RIMBP2: variants seen among roughly 807,000 people sequenced by gnomAD.
RIMBP2 encodes the protein RIMS binding protein 2, also known as RIMS-binding protein 2.
In RIMBP2, 48 loss-of-function variants were observed where a neutral mutation model predicts 118.6. The ratio of observed to expected loss-of-function variants is 0.40; its 90% confidence interval spans 0.32 to 0.51. The LOEUF is 0.51. Ranked by LOEUF, RIMBP2 falls within the 20% of genes least tolerant of loss-of-function variation. The pLI, the probability that RIMBP2 is intolerant of heterozygous loss-of-function variation, is 0.41. For synonymous variants in RIMBP2, 762 were observed against 742.9 expected, an observed-to-expected ratio of 1.03 and a Z score of -0.42; for missense variants, 1,551 against 1,768.3, an observed-to-expected ratio of 0.88 and a Z score of 2.20.
intron 2 of RIMBP2, among the ~76,000 whole-genome samples, chr12:130,521,363 G>A (rs7980375): frequency 0.024 from 3,667 of 152,290 alleles, 156 homozygotes; most frequent in African/African-American, 0.084. Flanking sequence ...CAAAACGAGA[G>A]TCCCCCAGCA....
intron 1 of RIMBP2, among the ~76,000 whole-genome samples, chr12:130,709,027 G>A (rs191895296): frequency 9.2e-5 from 14 of 152,382 alleles, no homozygotes; most frequent in East Asian, 1.9e-4. Context: ...AGGGCCTGCC[G>A]CAGAAGGGCT....
Position 130,424,617 on chromosome 12 carries a change from G to C in RIMBP2, c.2654C>G (p.Pro885Arg), listed in dbSNP as rs544230975. The change falls in exon 16 of 23, where the codon CCG (proline) becomes CGG (arginine). Residue 885 changes from proline (P) to arginine (R), a missense_variant. Physicochemically the swap from Pro to Arg is moderately radical, Grantham distance 103. Transcript: ENST00000690449. This position sits in a 1 kb window ranked among gnomAD's most constrained non-coding sequence, Gnocchi z 9.8. ...GDEAPRGSWF[P>R]VKHRGSGAVP... ...GGCCCCCGAGCCCCTGTGCTTCACC[G>C]GGAACCAGGAGCCCCGAGGGGCCTC... is the stretch of plus-strand genomic sequence containing the variant. The C allele has an allele frequency of 8.1e-7, 1 of 1,231,824 alleles. No homozygotes were observed. Among genetic ancestry groups the C allele is most frequent in the Non-Finnish European group, 1.0e-6 (1 of 987,826 alleles). 76.3% of individuals were successfully genotyped at this position (1,231,824 alleles called of 1,614,324 possible).
chr12:130,412,272 T>C (rs957576975), intron 19 of RIMBP2, among the ~76,000 whole-genome samples: 1 of 152,190 alleles, frequency 6.6e-6, no homozygotes, highest in African/African-American at 2.4e-5. Flanking sequence ...CTGAAATTTA[T>C]TGTAGACAGG....
intron 2 of RIMBP2, among the ~76,000 whole-genome samples, chr12:130,561,690 A>G (rs1042084916): frequency 2.0e-5 from 3 of 152,174 alleles, no homozygotes; most frequent in South Asian, 4.1e-4. Context: ...CTCAACTCCC[A>G]TTTTTAAATT....
chr12:130,662,454 G>A (rs554275392), intron 1 of RIMBP2, among the ~76,000 whole-genome samples: 6 of 152,136 alleles, frequency 3.9e-5, no homozygotes, highest in East Asian at 3.9e-4. Flanking sequence ...TCAAGAGATC[G>A]AGACCATCCT....
chr12:130,520,969 G>T (rs2052043047), intron 2 of RIMBP2, among the ~76,000 whole-genome samples: 1 of 152,236 alleles, frequency 6.6e-6, no homozygotes, highest in Non-Finnish European at 1.5e-5. Context: ...GGGACGTGTG[G>T]TTCCACAAGC....
chr12:130,417,044 C>A (rs982568998), intron 17 of RIMBP2, among the ~76,000 whole-genome samples: 2 of 152,104 alleles, frequency 1.3e-5, no homozygotes, highest in African/African-American at 4.8e-5. Context: ...CAATGAGATA[C>A]CATCTCACAC....
intron 6 of RIMBP2, among the ~76,000 whole-genome samples, chr12:130,461,660 G>A (rs1022056498): frequency 1.3e-4 from 20 of 152,058 alleles, no homozygotes; most frequent in East Asian, 5.8e-4. Flanking sequence ...ATAGCTTGGC[G>A]CTGTCCTTGC....
At chr12:130,466,514 T>C (rs2080491100) in intron 6 of RIMBP2, among the ~76,000 whole-genome samples, 1 of 152,228 alleles carries the variant, frequency 6.6e-6, no homozygotes, top group African/African-American at 2.4e-5. Flanking sequence ...TGGAGTTGTG[T>C]ATGTGGGGAC....
chr12:130,627,508 C>A (rs923551132), intron 2 of RIMBP2, among the ~76,000 whole-genome samples: 3 of 152,184 alleles, frequency 2.0e-5, no homozygotes, highest in Non-Finnish European at 4.4e-5. Context: ...GAACCCTGAA[C>A]CTGACCATCG....
chr12:130,480,893 G>C (rs1290335905), intron 4 of RIMBP2, among the ~76,000 whole-genome samples: 1 of 152,202 alleles, frequency 6.6e-6, no homozygotes. Flanking sequence ...GAGCCACCGC[G>C]CCCGACCACC....
At chr12:130,539,193 T>C (rs1045452653) in intron 2 of RIMBP2, among the ~76,000 whole-genome samples, 1 of 152,234 alleles carries the variant, frequency 6.6e-6, no homozygotes, top group Non-Finnish European at 1.5e-5. Context: ...TTACAATTTG[T>C]GTATAATGTT....
intron 22 of RIMBP2, chr12:130,399,311 T>C: frequency 4.5e-6 from 2 of 448,418 alleles, no homozygotes; most frequent in Non-Finnish European, 7.1e-6. Flanking sequence ...CTTGGATCCT[T>C]GTGAAGAGAC....
At chr12:130,553,102 G>A (rs903035082) in intron 2 of RIMBP2, among the ~76,000 whole-genome samples, 12 of 150,992 alleles carry the variant, frequency 7.9e-5, no homozygotes, top group South Asian at 2.1e-4. Context: ...GCAGTGAGCC[G>A]AGATCGCACC....
chr12:130,644,273 G>A (rs2062751751), intron 1 of RIMBP2, among the ~76,000 whole-genome samples: 5 of 152,224 alleles, frequency 3.3e-5, no homozygotes, highest in Admixed American at 3.3e-4. Flanking sequence ...GGTGCTGTGA[G>A]GAAACACACC....
chr12:130,483,336 A>G (rs1185304934), intron 4 of RIMBP2, among the ~76,000 whole-genome samples: 1 of 152,242 alleles, frequency 6.6e-6, no homozygotes, highest in East Asian at 1.9e-4. Context: ...CCTAAGCACC[A>G]TGGGGTCAGG....
At chr12:130,612,735 C>T (rs2060634587) in intron 2 of RIMBP2, among the ~76,000 whole-genome samples, 1 of 152,218 alleles carries the variant, frequency 6.6e-6, no homozygotes, top group Non-Finnish European at 1.5e-5. Context: ...AGTAACCAAA[C>T]CGTGTGGACA....
At chr12:130,554,382 C>G (rs973170245) in intron 2 of RIMBP2, among the ~76,000 whole-genome samples, 5 of 152,200 alleles carry the variant, frequency 3.3e-5, no homozygotes, top group Admixed American at 6.5e-5. Context: ...ATTCAAGCAT[C>G]CTAATGACTC....
intron 1 of RIMBP2, among the ~76,000 whole-genome samples, chr12:130,639,425 C>G (rs925612051): frequency 7.3e-6 from 1 of 137,390 alleles, no homozygotes; most frequent in African/African-American, 2.7e-5. Context: ...GTGGCTCACA[C>G]CTGTAATCCC....
Sources: gnomAD v4.1 joint callset for allele counts (sites outside exome capture counted in the v4.1 genomes callset) on GRCh38, gnomAD v4.1.1 for gene constraint, Gnocchi (gnomAD v3.1) non-coding constraint, MANE v1.5 for transcripts, NCBI Gene and HGNC (gene_info 2026-07-23, HGNC 2026-07-21) for gene names.